The following PAN3 variants were observed in gnomAD, a reference collection of about 807,000 sequenced individuals.
PAN3 encodes PAN2-PAN3 deadenylation complex subunit PAN3.
PAN3 carries 19 observed loss-of-function variants against 96.2 expected under a neutral mutation model. That is an observed-to-expected ratio of 0.20 (90% CI 0.14 to 0.29). The LOEUF is 0.29. Ranked by LOEUF, PAN3 falls within the 10% of genes least tolerant of loss-of-function variation. The pLI is 1.00. For missense variants in PAN3, 882 were observed against 1,108.1 expected (o/e 0.80, Z 2.90); for synonymous variants, 433 against 406.6 (o/e 1.06, Z -0.78).
At chr13:28,250,144 C>T (rs1378984451) in intron 6 of PAN3, among the ~76,000 whole-genome samples, 2 of 149,872 alleles carry the variant, frequency 1.3e-5, no homozygotes, top group Admixed American at 1.3e-4. Flanking sequence ...TTCTCTTTGT[C>T]TTTCGCATGC....
At chr13:28,186,041 T>C (rs1000578518) in intron 4 of PAN3, among the ~76,000 whole-genome samples, 4 of 152,202 alleles carry the variant, frequency 2.6e-5, no homozygotes, top group African/African-American at 7.2e-5. Flanking sequence ...CAAAACCGTG[T>C]GGTTTTCCCC....
At chr13:28,202,112 A>G (rs919410521) in intron 5 of PAN3, among the ~76,000 whole-genome samples, 3 of 151,946 alleles carry the variant, frequency 2.0e-5, no homozygotes, top group African/African-American at 2.4e-5. Context: ...GAAGGAAACT[A>G]CTGTGCTTTG....
intron 1 of PAN3, among the ~76,000 whole-genome samples, chr13:28,163,657 A>C (rs1433770360): frequency 6.6e-6 from 1 of 152,160 alleles, no homozygotes; most frequent in Non-Finnish European, 1.5e-5. Context: ...CTGAGTCTTG[A>C]GTATGTATAT....
chr13:28,165,485 C>T (rs936025434), intron 1 of PAN3, among the ~76,000 whole-genome samples: 5 of 151,908 alleles, frequency 3.3e-5, no homozygotes, highest in African/African-American at 1.2e-4. Flanking sequence ...TTATGTCCCA[C>T]GTGTACCATT....
chr13:28,273,505 G>A (rs112875437), intron 14 of PAN3, among the ~76,000 whole-genome samples: 5,517 of 152,168 alleles, frequency 0.036, 310 homozygotes, highest in African/African-American at 0.13. Flanking sequence ...GGAGGCTAAG[G>A]CAGGAGAATC....
intron 9 of PAN3, among the ~76,000 whole-genome samples, chr13:28,261,877 A>G (rs1463799711): frequency 6.6e-6 from 1 of 150,700 alleles, no homozygotes; most frequent in East Asian, 1.9e-4. Context: ...ACTACTGATC[A>G]TCTAGTTTAT....
At chr13:28,257,698 ATT>A (rs1491369193) in intron 7 of PAN3, among the ~76,000 whole-genome samples, 4 of 140,062 alleles carry the variant, frequency 2.9e-5, no homozygotes, top group Admixed American at 7.6e-5. Context: ...ATAAATATAT[ATT>A]ATATATATTA....
chr13:28,245,030 G>A (rs922507397), intron 6 of PAN3, among the ~76,000 whole-genome samples: 2 of 151,920 alleles, frequency 1.3e-5, no homozygotes, highest in African/African-American at 4.8e-5. Context: ...TGTATTTTTA[G>A]TAGAGACAGG....
At chr13:28,270,670 A>G (rs369256767) in intron 12 of PAN3, 31 bp from the exon 13 acceptor site, 30 of 1,596,800 alleles carry the variant, frequency 1.9e-5, no homozygotes, top group Non-Finnish European at 2.4e-5. Context: ...ATTACTTAAG[A>G]TGTCATTTTT....
At chr13:28,211,069 T>A (rs7329427) in intron 5 of PAN3, among the ~76,000 whole-genome samples, 3,429 of 146,704 alleles carry the variant, frequency 0.023, 108 homozygotes, top group African/African-American at 0.078. Context: ...TTTAAAAAAA[T>A]TTTTTTTTTT....
At chr13:28,195,681 A>G (rs1248718363) in intron 4 of PAN3, among the ~76,000 whole-genome samples, 2 of 152,050 alleles carry the variant, frequency 1.3e-5, no homozygotes, top group African/African-American at 2.4e-5. Context: ...GATTACAGAC[A>G]TGTGCCACCA....
At chr13:28,207,494 C>G (rs1879513195) in intron 5 of PAN3, among the ~76,000 whole-genome samples, 1 of 152,128 alleles carries the variant, frequency 6.6e-6, no homozygotes, top group Non-Finnish European at 1.5e-5. Flanking sequence ...TGCTCTTGTT[C>G]CTATTGAACT....
Position 28,292,741 on chromosome 13 carries a change from T to C in PAN3, c.*219T>C. 2.7e-6 allele frequency: 1 copy of C among 369,048 alleles called. No individual in the cohort carries two copies. The highest frequency in any genetic ancestry group is 4.3e-5 in the East Asian group (1 of 23,184). 22.9% of individuals were successfully genotyped at this position (369,048 alleles called of 1,614,324 possible). ...ATTGGAGGCTGTTATCTGTGAAGAA[T>C]TTATTTTAGATTTAGGAGCACCATC... is the stretch of plus-strand genomic sequence containing the variant. On this transcript the variant is annotated 3_prime_UTR_variant, in exon 19 of 19. Coordinates refer to ENST00000380958, the MANE Select transcript of PAN3 (RefSeq NM_175854.8).
intron 6 of PAN3, among the ~76,000 whole-genome samples, chr13:28,231,961 T>A (rs1390112915): frequency 6.6e-6 from 1 of 152,212 alleles, no homozygotes; most frequent in Non-Finnish European, 1.5e-5. Flanking sequence ...TTTGTCGTTT[T>A]ATTGCATAAT....
chr13:28,282,611 A>T (rs1030299983), intron 17 of PAN3, among the ~76,000 whole-genome samples: 4 of 152,202 alleles, frequency 2.6e-5, no homozygotes, highest in Non-Finnish European at 5.9e-5. Flanking sequence ...GCACACACAC[A>T]TGCACACATG....
intron 6 of PAN3, among the ~76,000 whole-genome samples, chr13:28,224,850 G>A (rs746904812): frequency 4.5e-4 from 68 of 152,170 alleles, no homozygotes; most frequent in Non-Finnish European, 6.9e-4. Context: ...TCTCAAACTA[G>A]CCTCAAGTGA....
chr13:28,279,761 A>T (rs1357328104), intron 15 of PAN3, among the ~76,000 whole-genome samples: 1 of 149,694 alleles, frequency 6.7e-6, no homozygotes, highest in African/African-American at 2.4e-5. Context: ...TCTGTCACCA[A>T]AAAAAAAAAT....
At chr13:28,142,511 A>ATTTTTTTTTTTTTTTTTTTTT (rs74881179) in intron 1 of PAN3, among the ~76,000 whole-genome samples, 1 of 126,672 alleles carries the variant, frequency 7.9e-6, no homozygotes, top group African/African-American at 3.2e-5. Context: ...ATAGATGGCA[A>ATTTTTTTTTTTTTTTTTTTTT]TTTTTTTTTT....
chr13:28,226,795 CT>C (rs1261552485), intron 6 of PAN3, among the ~76,000 whole-genome samples: 1 of 152,210 alleles, frequency 6.6e-6, no homozygotes, highest in Non-Finnish European at 1.5e-5. Flanking sequence ...TGCTGAAGCA[CT>C]CTTATAACCA....
Sources: allele counts gnomAD v4.1 joint callset (sites outside exome capture counted in the v4.1 genomes callset), GRCh38; gene constraint gnomAD v4.1.1; transcripts MANE v1.5; gene names NCBI Gene and HGNC (gene_info 2026-07-23, HGNC 2026-07-21).